PTPRK: variants seen among roughly 807,000 people sequenced by gnomAD.
PTPRK encodes protein tyrosine phosphatase receptor type K, also known as receptor-type tyrosine-protein phosphatase kappa.
Under a neutral mutation model 178.0 loss-of-function variants are expected in PTPRK, and 75 were observed. The ratio of observed to expected loss-of-function variants is 0.42; its 90% CI spans 0.35 to 0.51. PTPRK has a LOEUF of 0.51. PTPRK is among the 20% of genes least tolerant of loss of function. The probability of loss-of-function intolerance (pLI) is 0.02; values close to 1 mark genes in which losing one functional copy is unlikely to be tolerated. For missense variants in PTPRK, 1,441 were observed against 1,797.8 expected (o/e 0.80, Z 3.59); for synonymous variants, 637 against 620.6 (o/e 1.03, Z -0.39).
intron 5 of PTPRK, among the ~76,000 whole-genome samples, chr6:128,233,625 C>T (rs1436871806): frequency 6.6e-6 from 1 of 152,186 alleles, no homozygotes; most frequent in Non-Finnish European, 1.5e-5. Context: ...AGCTGTATCA[C>T]ACTATTCTAG....
chr6:128,450,853 CATATCAAA>C (rs1847699379), intron 1 of PTPRK, among the ~76,000 whole-genome samples: 1 of 152,126 alleles, frequency 6.6e-6, no homozygotes, highest in Admixed American at 6.5e-5. Flanking sequence ...ATTTCTGTTG[CATATCAAA>C]ATAAGATGGG....
chr6:128,353,119 A>C (rs981476506), intron 2 of PTPRK, among the ~76,000 whole-genome samples: 1 of 152,218 alleles, frequency 6.6e-6, no homozygotes, highest in African/African-American at 2.4e-5. Context: ...CAAGCACATG[A>C]AAACATATTT....
chr6:127,991,316 G>C lies in PTPRK; in HGVS notation c.2957C>G (p.Thr986Arg). The C allele has an allele frequency of 4.4e-6, 7 of 1,592,598 alleles. No homozygotes were observed. The highest frequency in any genetic ancestry group is 6.0e-6 in the Non-Finnish European group (7 of 1,170,200). The change falls in exon 20 of 30, where the codon ACA (threonine) becomes AGA (arginine). Residue 986 changes from threonine to arginine, a missense_variant. Physicochemically the swap from Thr to Arg is moderately conservative, Grantham distance 71 (BLOSUM62 -1). Coordinates refer to ENST00000368226, the MANE Select transcript of PTPRK (RefSeq NM_002844.4). ...QEQSACIVMV[T>R]NLVEVGRVKC... Reference sequence around the variant, plus strand: ...TACCCGGCCAACCTCAACTAAATTTGTAACCATCACAATGCAAGCAGATTG... The same window carrying C: ...TACCCGGCCAACCTCAACTAAATTTCTAACCATCACAATGCAAGCAGATTG...
rs757366265 is a variant in PTPRK at position 127,992,684 on chromosome 6, A to G, written c.2870T>C (p.Ile957Thr). The change falls in exon 19 of 30, where the codon ATT becomes ACT. Residue 957 changes from isoleucine (I) to threonine (T), a missense_variant. Transcript: ENST00000368226. ...AGGCAAAGTTTTACCTTGGGTTGCA[A>G]TGTAATGACTTGGTCTCTGGTAGCC... is the stretch of plus-strand genomic sequence containing the variant. ...IDGYQRPSHY[I>T]ATQGPVHETV... 1.3e-6 allele frequency: 2 copies of G among 1,588,874 alleles called. No homozygotes were observed. The highest frequency in any genetic ancestry group is 1.7e-6 in the Non-Finnish European group (2 of 1,169,484).
At chr6:128,170,736 C>G (rs2114643696) in intron 7 of PTPRK, among the ~76,000 whole-genome samples, 2 of 152,048 alleles carry the variant, frequency 1.3e-5, no homozygotes, top group South Asian at 4.2e-4. Context: ...ACCACACAGA[C>G]TTGCAGAGAA....
chr6:128,320,351 T>C (rs925970303), intron 3 of PTPRK, among the ~76,000 whole-genome samples: 3 of 152,082 alleles, frequency 2.0e-5, no homozygotes, highest in African/African-American at 7.2e-5. Context: ...AATAACTACA[T>C]GTATGTTATT....
Position 127,983,248 on chromosome 6 carries a change from C to T in PTPRK, c.3381G>A (p.Gln1127=). The T allele has an allele frequency of 6.2e-7, 1 of 1,609,914 alleles. No individual in the cohort carries two copies. Among genetic ancestry groups the T allele is most frequent in the East Asian group, 2.2e-5 (1 of 44,488 alleles). The change falls in exon 23 of 30, where the codon CAG becomes CAA. Residue 1127 remains glutamine (Q), a synonymous_variant. Coordinates refer to ENST00000368226, the MANE Select transcript of PTPRK (RefSeq NM_002844.4). ...ALRSRRINMV[Q]TEEQYIFIHD... is the part of the protein sequence containing the mutation. ...TACAGGTAAATCTACATACCTCTGT[C>T]TGGACCATATTAATACGCCGAGATC...
intron 13 of PTPRK, among the ~76,000 whole-genome samples, chr6:128,032,750 T>C (rs1343542398): frequency 6.6e-6 from 1 of 151,994 alleles, no homozygotes; most frequent in African/African-American, 2.4e-5. Flanking sequence ...ATCAATAACA[T>C]GAAGAAAGGA....
chr6:128,379,330 A>T (rs1837549659), intron 2 of PTPRK, among the ~76,000 whole-genome samples: 1 of 152,178 alleles, frequency 6.6e-6, no homozygotes, highest in Non-Finnish European at 1.5e-5. Flanking sequence ...TCTTTGAGAT[A>T]TTGACTAGTA....
At chr6:128,369,142 TTTC>T in intron 2 of PTPRK, among the ~76,000 whole-genome samples, 1 of 152,086 alleles carries the variant, frequency 6.6e-6, no homozygotes, top group East Asian at 1.9e-4. Context: ...AAAGAGGTTA[TTTC>T]CCCATTACTG....
chr6:128,396,832 C>T (rs1044004334), intron 2 of PTPRK, among the ~76,000 whole-genome samples: 43 of 151,848 alleles, frequency 2.8e-4, no homozygotes, highest in Non-Finnish European at 6.0e-4. Context: ...ACCCCGCCTC[C>T]ACTAAAAATA....
intron 2 of PTPRK, among the ~76,000 whole-genome samples, chr6:128,388,604 A>G (rs1839109069): frequency 1.3e-5 from 2 of 152,218 alleles, no homozygotes; most frequent in South Asian, 4.1e-4. Flanking sequence ...TGTTTTATAA[A>G]GTTCAAAGGT....
intron 3 of PTPRK, among the ~76,000 whole-genome samples, chr6:128,312,888 C>T (rs1433912643): frequency 6.6e-6 from 1 of 152,020 alleles, no homozygotes; most frequent in East Asian, 1.9e-4. Context: ...AAGTATTCAG[C>T]CTCATCCAAT....
At chr6:128,160,554 C>T (rs935165406) in intron 7 of PTPRK, among the ~76,000 whole-genome samples, 5 of 151,556 alleles carry the variant, frequency 3.3e-5, no homozygotes, top group African/African-American at 1.2e-4. Flanking sequence ...AAAGTTTAGT[C>T]CAGAAATTTA....
At chr6:128,279,331 T>C (rs960034727) in intron 3 of PTPRK, among the ~76,000 whole-genome samples, 1 of 152,074 alleles carries the variant, frequency 6.6e-6, no homozygotes, top group African/African-American at 2.4e-5. Flanking sequence ...AGCCCCTAGA[T>C]TAAGAGAAGT....
chr6:128,114,622 C>CAAA (rs370997908), intron 7 of PTPRK, among the ~76,000 whole-genome samples: 1 of 59,058 alleles, frequency 1.7e-5, no homozygotes, highest in East Asian at 5.1e-4. Flanking sequence ...GACTCAGTCT[C>CAAA]AAAAAAAAAA....
intron 2 of PTPRK, among the ~76,000 whole-genome samples, chr6:128,343,642 G>A (rs891105329): frequency 6.6e-6 from 1 of 152,056 alleles, no homozygotes; most frequent in Admixed American, 6.6e-5. Flanking sequence ...AATTCTTAAA[G>A]GTTAACTCTA....
intron 3 of PTPRK, among the ~76,000 whole-genome samples, chr6:128,296,201 C>T (rs147896670): frequency 6.6e-6 from 1 of 152,208 alleles, no homozygotes; most frequent in East Asian, 1.9e-4. Context: ...CATGGACAGG[C>T]ATGCTTCCAC....
intron 3 of PTPRK, among the ~76,000 whole-genome samples, chr6:128,273,650 G>C (rs561585029): frequency 6.6e-6 from 1 of 152,300 alleles, no homozygotes; most frequent in East Asian, 1.9e-4. Flanking sequence ...ACGAAAACGT[G>C]TAAGTGTCCT....
Sources: gnomAD v4.1 joint callset for allele counts (sites outside exome capture counted in the v4.1 genomes callset) on GRCh38, gnomAD v4.1.1 for gene constraint, MANE v1.5 for transcripts, NCBI Gene and HGNC (gene_info 2026-07-23, HGNC 2026-07-21) for gene names.